Variants in PPP1R12B observed in about 807,000 individuals in gnomAD.
The protein encoded by PPP1R12B is myosin phosphatase target subunit 2.
Under a neutral mutation model 126.1 loss-of-function variants are expected in PPP1R12B, and 76 were observed. The observed-to-expected ratio is 0.60, with a 90% confidence interval of 0.50 to 0.73. The LOEUF (loss-of-function observed/expected upper bound fraction) is 0.73, where lower values mean the gene tolerates loss of function less well. Ranked by LOEUF, PPP1R12B falls within the 30% of genes least tolerant of loss-of-function variation. The pLI is 0.00. For synonymous variants in PPP1R12B, 356 were observed against 434.7 expected (o/e 0.82, Z 2.25); for missense variants, 1,052 against 1,205.1 (o/e 0.87, Z 1.88).
intron 18 of PPP1R12B, among the ~76,000 whole-genome samples, chr1:202,515,632 C>T (rs541630181): frequency 6.6e-6 from 1 of 152,202 alleles, no homozygotes; most frequent in African/African-American, 2.4e-5. Flanking sequence ...GGTGTGATCA[C>T]GGGTCACTGC....
intron 18 of PPP1R12B, among the ~76,000 whole-genome samples, chr1:202,511,571 G>T (rs1681517278): frequency 6.6e-6 from 1 of 151,858 alleles, no homozygotes; most frequent in Admixed American, 6.6e-5. Context: ...AGTCCCCAAA[G>T]TCCATTATAT....
At chr1:202,429,605 G>A (rs1003993658) in intron 6 of PPP1R12B, among the ~76,000 whole-genome samples, 3 of 152,156 alleles carry the variant, frequency 2.0e-5, no homozygotes, top group Non-Finnish European at 2.9e-5. Flanking sequence ...ATATACAGAT[G>A]AAGAGTGAAT....
At chr1:202,491,496 G>A (rs1238996746) in intron 14 of PPP1R12B, among the ~76,000 whole-genome samples, 1 of 152,006 alleles carries the variant, frequency 6.6e-6, no homozygotes, top group East Asian at 1.9e-4. Flanking sequence ...AAAGAAGACA[G>A]GCTATACTTT....
intron 3 of PPP1R12B, among the ~76,000 whole-genome samples, chr1:202,424,435 T>G (rs553793548): frequency 6.6e-6 from 1 of 151,984 alleles, no homozygotes; most frequent in African/African-American, 2.4e-5. Flanking sequence ...GCAATTCTCA[T>G]GACTCAGCCT....
chr1:202,388,519 G>A (rs886756302), intron 1 of PPP1R12B, among the ~76,000 whole-genome samples: 13 of 152,020 alleles, frequency 8.6e-5, no homozygotes, highest in African/African-American at 2.9e-4. Context: ...AAAACTTGTA[G>A]GAAGAAAATA....
intron 1 of PPP1R12B, among the ~76,000 whole-genome samples, chr1:202,371,000 T>G (rs1660130276): frequency 7.0e-6 from 1 of 142,590 alleles, no homozygotes; most frequent in Admixed American, 7.0e-5. Flanking sequence ...TTGCTCCACA[T>G]CTTTTTTTTT....
intron 18 of PPP1R12B, among the ~76,000 whole-genome samples, chr1:202,524,451 T>G (rs1683103723): frequency 1.3e-5 from 2 of 152,134 alleles, no homozygotes; most frequent in Admixed American, 1.3e-4. Flanking sequence ...TTTCTGAGAT[T>G]TTGGTGCACC....
At chr1:202,575,101 G>C (rs1688975483) in intron 23 of PPP1R12B, 16 of 1,613,822 alleles carry the variant, frequency 9.9e-6, no homozygotes, top group Non-Finnish European at 1.4e-5. Flanking sequence ...CAGACTCTCG[G>C]AGTCCATCGA....
intron 1 of PPP1R12B, among the ~76,000 whole-genome samples, chr1:202,353,583 TC>T (rs1262844043): frequency 2.4e-5 from 3 of 126,790 alleles, no homozygotes; most frequent in Admixed American, 1.9e-4. Context: ...CTATTCTTCT[TC>T]TTTGTGTGTG....
In PPP1R12B at chr1:202,364,599, C is replaced by T. The variant is rs774970023; in HGVS notation, c.291+15457C>T. On this transcript the variant is annotated intron_variant, in intron 1 of 23. Coordinates refer to ENST00000608999, the MANE Select transcript of PPP1R12B (RefSeq NM_002481.4). The stretch of plus-strand genomic sequence containing the variant: ...TTTTATTTATTTATTTTTTTTGAGA[C>T]GGAGTCTTGCTCTGTCACCCAGGCT... 9.9e-5 allele frequency among the ~76,000 whole-genome samples: 15 copies of T among 151,426 alleles called. No homozygotes were observed. In the East Asian group the frequency reaches 2.3e-3, roughly 24 times the overall value.
intron 2 of PPP1R12B, 68 bp from the exon 3 acceptor site, chr1:202,422,552 G>C: frequency 6.9e-7 from 1 of 1,444,414 alleles, no homozygotes; most frequent in Non-Finnish European, 9.7e-7. Context: ...TGTATTGAAT[G>C]CCAGATGCAT....
At chr1:202,437,734 CTTAG>C (rs1334868020) in intron 9 of PPP1R12B, 83 bp from the exon 10 acceptor site, 7 of 1,226,858 alleles carry the variant, frequency 5.7e-6, no homozygotes, top group African/African-American at 1.5e-5. Flanking sequence ...CCTCGCTGAA[CTTAG>C]TTAAGTGTGG....
At chr1:202,462,751 T>TA (rs1674478360) in intron 13 of PPP1R12B, 2 of 980,506 alleles carry the variant, frequency 2.0e-6, no homozygotes, top group Non-Finnish European at 2.4e-6. Context: ...CAGTTGCTGG[T>TA]ACAATCTCAT....
chr1:202,537,734 C>T (rs1236509969), intron 18 of PPP1R12B, among the ~76,000 whole-genome samples: 6 of 152,200 alleles, frequency 3.9e-5, no homozygotes, highest in African/African-American at 9.7e-5. Flanking sequence ...TCAAGTTGTT[C>T]TTGCCATGCC....
At chr1:202,563,598 A>C (rs574875862) in intron 20 of PPP1R12B, among the ~76,000 whole-genome samples, 3 of 151,504 alleles carry the variant, frequency 2.0e-5, no homozygotes, top group Admixed American at 6.6e-5. Flanking sequence ...GGTCCTGTGA[A>C]TATCAACTAA....
chr1:202,439,284 C>T lies in PPP1R12B; in HGVS notation c.1458+1260C>T. 2.8e-6 allele frequency: 4 copies of T among 1,426,148 alleles called. No individual in the cohort carries two copies. In the Admixed American group the frequency reaches 6.9e-5, roughly 25 times the overall value. The allele number at this position is 1,426,148 out of a possible 1,614,324, so 88.3% of individuals were successfully genotyped here. On this transcript the variant is annotated intron_variant, in intron 10 of 23. Transcript: ENST00000608999. ...CCACAGAGGCAAGATACTGGCCCAG[C>T]AGGGTGAGTACAGTGAGGCCATCTC...
chr1:202,558,278 T>C (rs1184952540), intron 18 of PPP1R12B, among the ~76,000 whole-genome samples: 1 of 152,046 alleles, frequency 6.6e-6, no homozygotes, highest in Non-Finnish European at 1.5e-5. Flanking sequence ...TCCTTTCTTT[T>C]GAGACCTCAG....
At chr1:202,475,713 T>G (rs571247214) in intron 13 of PPP1R12B, among the ~76,000 whole-genome samples, 1 of 152,286 alleles carries the variant, frequency 6.6e-6, no homozygotes, top group South Asian at 2.1e-4. Context: ...CTACCTGAAG[T>G]CTTAGAATTA....
chr1:202,488,044 A>G (rs1043162395), intron 13 of PPP1R12B, among the ~76,000 whole-genome samples: 12 of 152,230 alleles, frequency 7.9e-5, no homozygotes, highest in African/African-American at 2.9e-4. Flanking sequence ...CAATAATACT[A>G]ATAACTAATA....
Sources: gnomAD v4.1 joint callset for allele counts (sites outside exome capture counted in the v4.1 genomes callset) on GRCh38, gnomAD v4.1.1 for gene constraint, MANE v1.5 for transcripts, NCBI Gene and HGNC (gene_info 2026-07-23, HGNC 2026-07-21) for gene names.